FGFBP3: variants seen among roughly 807,000 people sequenced by gnomAD.
The protein encoded by FGFBP3 is fibroblast growth factor binding protein 3.
FGFBP3 carries 4 observed loss-of-function variants against 4.8 expected under a neutral mutation model. The ratio of observed to expected loss-of-function variants is 0.83; its 90% CI spans 0.41 to 1.90. The LOEUF is 1.90. Among genes scored for constraint, FGFBP3 ranks in the 40% most tolerant of loss-of-function variants. The probability of loss-of-function intolerance (pLI) is 0.03; values close to 1 mark genes in which losing one functional copy is unlikely to be tolerated. For synonymous variants in FGFBP3, 215 were observed against 190.0 expected (o/e 1.13, Z -1.08); for missense variants, 429 against 397.4 (o/e 1.08, Z -0.68).
Position 91,908,795 on chromosome 10 carries a change from A to T in FGFBP3, c.175T>A (p.Cys59Ser). 1 of 1,443,678 alleles carries T rather than the reference A, an allele frequency of 6.9e-7. No homozygotes were observed. Among genetic ancestry groups the T allele is most frequent in the East Asian group, 3.0e-5 (1 of 33,204 alleles). 89.4% of individuals were successfully genotyped at this position (1,443,678 alleles called of 1,614,324 possible). A position where few individuals can be genotyped will look rare whatever the true frequency, so the allele number is the denominator to read the frequency against. Residue 59 changes from cysteine (C) to serine (S), a missense_variant, in exon 2 of 2, where the codon TGC becomes AGC. By Grantham distance (112) the Cys-to-Ser change is moderately radical. Coordinates refer to ENST00000311575, the MANE Select transcript of FGFBP3 (RefSeq NM_152429.5). ...GRFLSPEQHA[C>S]SWQLLLPAPE... ...GCGGGCAGCAGGAGCTGCCAGCTGC[A>T]CGCGTGCTGCTCGGGGCTGAGGAAG... is the stretch of plus-strand genomic sequence containing the variant.
chr10:91,908,922 C>G lies in FGFBP3; in HGVS notation c.48G>C (p.Leu16=). The change falls in exon 2 of 2, where the codon CTG becomes CTC. Residue 16 remains leucine, a synonymous_variant. Transcript: ENST00000311575. ...LRASLSPSLL[L]LLSGCLLAAA... is the part of the protein sequence containing the mutation. ...CCGCGAGGAGGCAACCACTCAGCAG[C>G]AGCAGCAGCGACGGCGACAGCGACG... 6.2e-7 allele frequency: 1 copy of G among 1,605,522 alleles called. No individual in the cohort carries two copies. Among genetic ancestry groups the G allele is most frequent in the East Asian group, 2.3e-5 (1 of 44,422 alleles).
chr10:91,907,273 T>A lies in FGFBP3; in HGVS notation c.*920A>T, dbSNP rs117997708. 0.054 allele frequency: 8,147 copies of A among 152,242 alleles called. 298 individuals are homozygous for A. Among genetic ancestry groups the A allele is most frequent in the Middle Eastern group, 0.088 (26 of 294 alleles). 9.4% of individuals were successfully genotyped at this position (152,242 alleles called of 1,614,324 possible). On this transcript the variant is annotated 3_prime_UTR_variant, in exon 2 of 2. Coordinates refer to ENST00000311575, the MANE Select transcript of FGFBP3 (RefSeq NM_152429.5). ...GGCAGAGGATCACTTGAGACTGGAATGTCGAGGCCGCAGTGAGCCATAATT... is the reference window on the plus strand; with the variant it reads ...GGCAGAGGATCACTTGAGACTGGAAAGTCGAGGCCGCAGTGAGCCATAATT...
chr10:91,908,471 T>C lies in FGFBP3; in HGVS notation c.499A>G (p.Lys167Glu), dbSNP rs1383356679. The C allele has an allele frequency of 2.8e-6, 4 of 1,424,270 alleles. No homozygotes were observed. The highest frequency in any genetic ancestry group is 3.7e-6 in the Non-Finnish European group (4 of 1,094,518). 88.2% of individuals were successfully genotyped at this position (1,424,270 alleles called of 1,614,324 possible). A position where few individuals can be genotyped will look rare whatever the true frequency, so the allele number is the denominator to read the frequency against. Residue 167 changes from lysine to glutamate, a missense_variant, in exon 2 of 2, where the codon AAG becomes GAG. Physicochemically the swap from Lys to Glu is moderately conservative, Grantham distance 56 (BLOSUM62 1). Transcript: ENST00000311575. ...CGCCCCCGGTTCCGGGCCCGGGGCT[T>C]GGACTCCCCCGCGAATCCCGCGACG... is the stretch of plus-strand genomic sequence containing the variant. ...PTVAGFAGES[K>E]PRARNRGRTR... is the part of the protein sequence containing the mutation.
Position 91,909,019 on chromosome 10 carries a change from T to C in FGFBP3, c.-50A>G. 1 of 1,518,614 alleles carries C rather than the reference T, an allele frequency of 6.6e-7. No individual in the cohort carries two copies. Among genetic ancestry groups the C allele is most frequent in the Non-Finnish European group, 8.8e-7 (1 of 1,135,014 alleles). The allele number at this position is 1,518,614 out of a possible 1,614,324, so 94.1% of individuals were successfully genotyped here. ...GTTCTCAGACCACGTTTGTCGGGGC[T>C]GGACCAGGCAAAGAGCATTCCCCAG... On this transcript the variant is annotated 5_prime_UTR_variant, in exon 2 of 2. Coordinates refer to ENST00000311575, the MANE Select transcript of FGFBP3 (RefSeq NM_152429.5).
Position 91,906,608 on chromosome 10 carries a change from T to C in FGFBP3, c.*1585A>G, listed in dbSNP as rs1193727628. ...ATATATACACACACACACATTTATATATATAATGGAAAAACATATATATAG... is the reference window on the plus strand; with the variant it reads ...ATATATACACACACACACATTTATACATATAATGGAAAAACATATATATAG... On this transcript the variant is annotated 3_prime_UTR_variant, in exon 2 of 2. Transcript: ENST00000311575. The C allele has an allele frequency of 6.6e-6, 1 of 152,230 alleles. No individual in the cohort carries two copies. The allele number at this position is 152,230 out of a possible 1,614,324, so 9.4% of individuals were successfully genotyped here.
Position 91,908,585 on chromosome 10 carries a change from G to C in FGFBP3, c.385C>G (p.Pro129Ala). 1 of 1,419,670 alleles carries C rather than the reference G, an allele frequency of 7.0e-7. No individual in the cohort carries two copies. Among genetic ancestry groups the C allele is most frequent in the Non-Finnish European group, 9.1e-7 (1 of 1,093,660 alleles). 87.9% of individuals were successfully genotyped at this position (1,419,670 alleles called of 1,614,324 possible). The change falls in exon 2 of 2, where the codon CCG becomes GCG. Residue 129 changes from proline to alanine, a missense_variant. By Grantham distance (27) the Pro-to-Ala change is conservative. Transcript: ENST00000311575. ...CCCGCGCACAAGCGGGCCTGGAGCG[G>C]CGCGGGGTCGTGACAGGGCCTCCGC... ...KKRRPCHDPAPLQARLCAGKK... is the reference protein window; with the variant it reads ...KKRRPCHDPAALQARLCAGKK...
rs746360136 is a variant in FGFBP3 at position 91,908,572 on chromosome 10, C to G, written c.398G>C (p.Arg133Pro). The G allele has an allele frequency of 5.0e-6, 7 of 1,399,206 alleles. No homozygotes were observed. The highest frequency in any genetic ancestry group is 5.5e-6 in the Non-Finnish European group (6 of 1,084,098). The allele number at this position is 1,399,206 out of a possible 1,614,324, so 86.7% of individuals were successfully genotyped here. ...PCHDPAPLQARLCAGKKGHGA... is the reference protein window; with the variant it reads ...PCHDPAPLQAPLCAGKKGHGA... ...GTGGCCCTTCTTGCCCGCGCACAAGCGGGCCTGGAGCGGCGCGGGGTCGTG... is the reference window on the plus strand; with the variant it reads ...GTGGCCCTTCTTGCCCGCGCACAAGGGGGCCTGGAGCGGCGCGGGGTCGTG... The change falls in exon 2 of 2, where the codon CGC (arginine) becomes CCC (proline). Residue 133 changes from arginine to proline, a missense_variant. By Grantham distance (103) the Arg-to-Pro change is moderately radical (BLOSUM62 -2). Transcript: ENST00000311575.
Position 91,907,920 on chromosome 10 carries a change from T to G in FGFBP3, c.*273A>C, listed in dbSNP as rs1589712814. ...CTCCCCAGTCTCCAGTTTTTGCACATTTAAAGTACGCCTATTTCTGTTTCC... is the reference window on the plus strand; with the variant it reads ...CTCCCCAGTCTCCAGTTTTTGCACAGTTAAAGTACGCCTATTTCTGTTTCC... On this transcript the variant is annotated 3_prime_UTR_variant, in exon 2 of 2. Transcript: ENST00000311575. 3 of 406,100 alleles carry G rather than the reference T, an allele frequency of 7.4e-6. No individual in the cohort carries two copies. The highest frequency in any genetic ancestry group is 4.9e-5 in the East Asian group (1 of 20,518). The allele number at this position is 406,100 out of a possible 1,614,324, so 25.2% of individuals were successfully genotyped here.
At position 91,908,342 on chromosome 10, in the gene FGFBP3, T is replaced by C. The variant is rs770993208; in HGVS notation, c.628A>G (p.Lys210Glu). ...TCCTCGTTGGGGACCAAGGCCGCCTTCCTCTTGCCCTCGTTGGTCTTCCTC... is the reference window on the plus strand; with the variant it reads ...TCCTCGTTGGGGACCAAGGCCGCCTCCCTCTTGCCCTCGTTGGTCTTCCTC... ...SERKTNEGKR[K>E]AALVPNEERP... The change falls in exon 2 of 2, where the codon AAG (lysine) becomes GAG (glutamate). Residue 210 changes from lysine to glutamate, a missense_variant. Lys to Glu is a moderately conservative substitution (Grantham distance 56, BLOSUM62 1). Coordinates refer to ENST00000311575, the MANE Select transcript of FGFBP3 (RefSeq NM_152429.5). The C allele has an allele frequency of 8.1e-6, 13 of 1,597,392 alleles. No homozygotes were observed. Among genetic ancestry groups the C allele is most frequent in the Admixed American group, 7.0e-5 (4 of 57,498 alleles).
In FGFBP3 at chr10:91,908,107, A is replaced by C; in HGVS notation, c.*86T>G. The stretch of plus-strand genomic sequence containing the variant: ...GAACCTGGACTTCTCCCCAATCTCT[A>C]TCACAGTACCCCCCGGTCTAAGACG... On this transcript the variant is annotated 3_prime_UTR_variant, in exon 2 of 2. Transcript: ENST00000311575. 1 of 1,446,590 alleles carries C rather than the reference A, an allele frequency of 6.9e-7. No individual in the cohort carries two copies. Among genetic ancestry groups the C allele is most frequent in the Admixed American group, 2.8e-5 (1 of 36,196 alleles). 89.6% of individuals were successfully genotyped at this position (1,446,590 alleles called of 1,614,324 possible).
chr10:91,908,071 C>T lies in FGFBP3; in HGVS notation c.*122G>A. The stretch of plus-strand genomic sequence containing the variant: ...CATCTCACCCTTACCCTTGCCCCCA[C>T]CCCCATTCGAGAACCTGGACTTCTC... On this transcript the variant is annotated 3_prime_UTR_variant, in exon 2 of 2. Coordinates refer to ENST00000311575, the MANE Select transcript of FGFBP3 (RefSeq NM_152429.5). 8.8e-7 allele frequency: 1 copy of T among 1,140,782 alleles called. No individual in the cohort carries two copies. Among genetic ancestry groups the T allele is most frequent in the Non-Finnish European group, 1.2e-6 (1 of 831,902 alleles). 70.7% of individuals were successfully genotyped at this position (1,140,782 alleles called of 1,614,324 possible). A position where few individuals can be genotyped will look rare whatever the true frequency, so the allele number is the denominator to read the frequency against.
intron 1 of FGFBP3, 173 bp downstream of exon 1, chr10:91,909,225 G>A: frequency 2.0e-6 from 1 of 488,764 alleles, no homozygotes; most frequent in Non-Finnish European, 3.6e-6. Context: ...TTCGAACCAT[G>A]TATGCATTGA....
At position 91,908,419 on chromosome 10, in the gene FGFBP3, G is replaced by T. The variant is rs1843317018; in HGVS notation, c.551C>A (p.Ala184Asp). 6.6e-7 allele frequency: 1 copy of T among 1,518,644 alleles called. No individual in the cohort carries two copies. The highest frequency in any genetic ancestry group is 8.8e-7 in the Non-Finnish European group (1 of 1,139,804). 94.1% of individuals were successfully genotyped at this position (1,518,644 alleles called of 1,614,324 possible). A position where few individuals can be genotyped will look rare whatever the true frequency, so the allele number is the denominator to read the frequency against. ...GCTTTGGGGAGGCGGGGTCCCAGCGGCTGGGCCGGACGCACGCTCCCGGGT... is the reference window on the plus strand; with the variant it reads ...GCTTTGGGGAGGCGGGGTCCCAGCGTCTGGGCCGGACGCACGCTCCCGGGT... ...GRTRERASGPAAGTPPPQSAP... is the reference protein window; with the variant it reads ...GRTRERASGPDAGTPPPQSAP... Residue 184 changes from alanine to aspartate, a missense_variant, in exon 2 of 2, where the codon GCC (alanine) becomes GAC (aspartate). Transcript: ENST00000311575.
chr10:91,909,071 C>T, intron 1 of FGFBP3, 24 bp from the exon 2 acceptor site: 1 of 1,329,290 alleles, frequency 7.5e-7, no homozygotes, highest in Non-Finnish European at 1.0e-6. Flanking sequence ...CAGAGACTGC[C>T]ACCAACTGAG....
rs1438001133 is a variant in FGFBP3 at position 91,909,025 on chromosome 10, A to G, written c.-56T>C. The stretch of plus-strand genomic sequence containing the variant: ...AGACCACGTTTGTCGGGGCTGGACC[A>G]GGCAAAGAGCATTCCCCAGGACCTG... On this transcript the variant is annotated 5_prime_UTR_variant, in exon 2 of 2. Transcript: ENST00000311575. 1.3e-6 allele frequency: 2 copies of G among 1,510,304 alleles called. No individual in the cohort carries two copies. The highest frequency in any genetic ancestry group is 1.4e-5 in the African/African-American group (1 of 69,450). The allele number at this position is 1,510,304 out of a possible 1,614,324, so 93.6% of individuals were successfully genotyped here.
Position 91,908,899 on chromosome 10 carries a change from G to A in FGFBP3, c.71C>T (p.Ala24Val), listed in dbSNP as rs761439216. The A allele has an allele frequency of 1.1e-5, 18 of 1,599,300 alleles. No individual in the cohort carries two copies. Among genetic ancestry groups the A allele is most frequent in the Admixed American group, 5.1e-5 (3 of 58,886 alleles). ...LLLLLSGCLL[A>V]AARREKGAAS... ...CGCCCCTTTCTCCCTCCGAGCAGCCGCGAGGAGGCAACCACTCAGCAGCAG... is the reference window on the plus strand; with the variant it reads ...CGCCCCTTTCTCCCTCCGAGCAGCCACGAGGAGGCAACCACTCAGCAGCAG... Residue 24 changes from alanine (A) to valine (V), a missense_variant, in exon 2 of 2, where the codon GCG becomes GTG. Coordinates refer to ENST00000311575, the MANE Select transcript of FGFBP3 (RefSeq NM_152429.5).
chr10:91,909,087 C>T, intron 1 of FGFBP3, 40 bp from the exon 2 acceptor site: 2 of 1,165,784 alleles, frequency 1.7e-6, no homozygotes, highest in Non-Finnish European at 2.3e-6. Flanking sequence ...CTGAGCCACA[C>T]GCAGCGCTTC....
rs1359427831 is a variant in FGFBP3, at chr10:91,908,991, G to T, written c.-22C>A. The T allele has an allele frequency of 2.6e-6, 4 of 1,554,312 alleles. No individual in the cohort carries two copies. The highest frequency in any genetic ancestry group is 1.7e-6 in the Non-Finnish European group (2 of 1,152,842). ...TCATGCTCCGCGGTTTCCGCGCTCCGCTGTTCTCAGACCACGTTTGTCGGG... is the reference window on the plus strand; with the variant it reads ...TCATGCTCCGCGGTTTCCGCGCTCCTCTGTTCTCAGACCACGTTTGTCGGG... On this transcript the variant is annotated 5_prime_UTR_variant, in exon 2 of 2. Coordinates refer to ENST00000311575, the MANE Select transcript of FGFBP3 (RefSeq NM_152429.5).
rs1589713338 is a variant in FGFBP3 at position 91,908,824 on chromosome 10, C to T, written c.146G>A (p.Gly49Asp). 9 of 1,529,696 alleles carry T rather than the reference C, an allele frequency of 5.9e-6. No individual in the cohort carries two copies. Among genetic ancestry groups the T allele is most frequent in the East Asian group, 2.5e-5 (1 of 39,806 alleles). 94.8% of individuals were successfully genotyped at this position (1,529,696 alleles called of 1,614,324 possible). Residue 49 changes from glycine (G) to aspartate (D), a missense_variant, in exon 2 of 2, where the codon GGT (glycine) becomes GAT (aspartate). Transcript: ENST00000311575. ...GTGCTGCTCGGGGCTGAGGAAGCGACCCGAGGAGCCGCCAGTGGGCCCGGG... is the reference window on the plus strand; with the variant it reads ...GTGCTGCTCGGGGCTGAGGAAGCGATCCGAGGAGCCGCCAGTGGGCCCGGG... ...PVPGPTGGSSGRFLSPEQHAC... is the reference protein window; with the variant it reads ...PVPGPTGGSSDRFLSPEQHAC...
Sources: gnomAD v4.1 joint callset for allele counts on GRCh38, gnomAD v4.1.1 for gene constraint, MANE v1.5 for transcripts, NCBI Gene and HGNC (gene_info 2026-07-23, HGNC 2026-07-21) for gene names.